Variants in SNRNP40 observed in about 807,000 individuals in gnomAD.
SNRNP40 encodes the protein U5 small nuclear ribonucleoprotein 40 kDa protein.
SNRNP40 carries 21 observed loss-of-function variants against 45.8 expected under a neutral mutation model. That is an observed-to-expected ratio of 0.46 (90% confidence interval 0.32 to 0.66). SNRNP40 has a LOEUF of 0.66. SNRNP40 is among the 30% of genes least tolerant of loss of function. The pLI is 0.03. For missense variants in SNRNP40, 344 were observed against 439.1 expected (o/e 0.78, Z 1.94); for synonymous variants, 142 against 163.8 (o/e 0.87, Z 1.01).
At chr1:31,276,963 G>A (rs1390993419) in intron 5 of SNRNP40, among the ~76,000 whole-genome samples, 1 of 152,110 alleles carries the variant, frequency 6.6e-6, no homozygotes, top group East Asian at 1.9e-4. Context: ...GAGTCCGGGA[G>A]GTGGAGGTTG....
intron 8 of SNRNP40, among the ~76,000 whole-genome samples, chr1:31,262,363 T>C (rs1473393036): frequency 2.0e-5 from 3 of 151,148 alleles, no homozygotes; most frequent in Non-Finnish European, 4.4e-5. Flanking sequence ...CTACTAAAAA[T>C]ACAAAAAATT....
intron 2 of SNRNP40, chr1:31,292,954 G>C (rs1303030342): frequency 2.2e-6 from 1 of 447,516 alleles, no homozygotes; most frequent in Admixed American, 3.9e-5. Flanking sequence ...ATTAGCTGGA[G>C]ATTTGCCTCT....
intron 3 of SNRNP40, among the ~76,000 whole-genome samples, chr1:31,291,560 C>T (rs1481299445): frequency 1.3e-5 from 2 of 152,010 alleles, no homozygotes; most frequent in African/African-American, 2.4e-5. Flanking sequence ...GGGCTTGTGG[C>T]CCCAGCTATT....
chr1:31,267,075 G>C (rs1645902038), intron 8 of SNRNP40, among the ~76,000 whole-genome samples: 1 of 152,204 alleles, frequency 6.6e-6, no homozygotes, highest in South Asian at 2.1e-4. Context: ...GTTTATGGAT[G>C]TAACATAGAG....
chr1:31,282,643 T>G (rs996525100), intron 4 of SNRNP40, among the ~76,000 whole-genome samples: 1 of 151,958 alleles, frequency 6.6e-6, no homozygotes, highest in African/African-American at 2.4e-5. Context: ...TATCTATCTA[T>G]GTATCTATGT....
intron 5 of SNRNP40, among the ~76,000 whole-genome samples, chr1:31,273,571 C>T (rs1260008208): frequency 2.0e-5 from 3 of 148,942 alleles, no homozygotes; most frequent in South Asian, 2.2e-4. Context: ...ACCCGGGAGG[C>T]GGAGGCTGCA....
chr1:31,271,972 C>A (rs1181250775), intron 5 of SNRNP40, among the ~76,000 whole-genome samples: 1 of 152,016 alleles, frequency 6.6e-6, no homozygotes, highest in Non-Finnish European at 1.5e-5. Flanking sequence ...CAGGCTACCA[C>A]GTTTGACTAG....
chr1:31,291,811 TTAG>T (rs1282834009), intron 3 of SNRNP40, 99 bp downstream of exon 3: 21 of 777,602 alleles, frequency 2.7e-5, no homozygotes, highest in Non-Finnish European at 3.8e-5. Context: ...CTACCCAAAA[TTAG>T]TAGTTTTTGA....
At chr1:31,269,050 G>T (rs1354156198) in intron 7 of SNRNP40, 108 bp downstream of exon 7, 23 of 974,656 alleles carry the variant, frequency 2.4e-5, no homozygotes, top group Admixed American at 8.4e-5. Context: ...AGTGTTATTG[G>T]AATGAAGTCC....
chr1:31,265,176 G>A lies in SNRNP40; in HGVS notation c.920+2695C>T, dbSNP rs554183992. Reference sequence around the variant, plus strand: ...GTCTTGCTCTGTTGCCCAGGCTGGAGAGCAGTGGCATGATTGCAGCTCACT... The same window carrying A: ...GTCTTGCTCTGTTGCCCAGGCTGGAAAGCAGTGGCATGATTGCAGCTCACT... On this transcript the variant is annotated intron_variant, in intron 8 of 9. Coordinates refer to ENST00000263694, the MANE Select transcript of SNRNP40 (RefSeq NM_004814.3). Among the ~76,000 whole-genome samples the A allele has an allele frequency of 5.3e-5, 8 of 152,226 alleles. No homozygotes were observed. In the South Asian group the frequency reaches 1.7e-3, roughly 32 times the overall value.
intron 1 of SNRNP40, among the ~76,000 whole-genome samples, chr1:31,295,626 A>T (rs1203407394): frequency 6.6e-6 from 1 of 152,098 alleles, no homozygotes; most frequent in Non-Finnish European, 1.5e-5. Flanking sequence ...AGGGCAAATA[A>T]TTACAAGAAT....
At chr1:31,286,850 C>T (rs1646063171) in intron 4 of SNRNP40, among the ~76,000 whole-genome samples, 3 of 152,184 alleles carry the variant, frequency 2.0e-5, no homozygotes, top group Admixed American at 2.0e-4. Flanking sequence ...CACCTTGGCC[C>T]ATCTCTAACT....
chr1:31,293,779 G>A (rs548105088), intron 1 of SNRNP40, among the ~76,000 whole-genome samples: 56 of 152,094 alleles, frequency 3.7e-4, no homozygotes, highest in African/African-American at 1.3e-3. Context: ...ATGAGGTCTT[G>A]CTACGTTGCC....
At chr1:31,295,350 C>CAA (rs11447322) in intron 1 of SNRNP40, among the ~76,000 whole-genome samples, 9 of 151,598 alleles carry the variant, frequency 5.9e-5, no homozygotes, top group South Asian at 2.1e-4. Flanking sequence ...AACAAAAAAA[C>CAA]AAAAAAAGAG....
Position 31,260,019 on chromosome 1 carries a change from T to G in SNRNP40, c.*53A>C, listed in dbSNP as rs778976320. On this transcript the variant is annotated 3_prime_UTR_variant, in exon 10 of 10. Transcript: ENST00000263694. ...GACATCCAACATTTGGCATCACTTA[T>G]GCAGTCTGAGGTCTCAAAGACAAGC... 7.8e-7 allele frequency: 1 copy of G among 1,289,480 alleles called. No individual in the cohort carries two copies. The highest frequency in any genetic ancestry group is 1.2e-5 in the South Asian group (1 of 84,180). The allele number at this position is 1,289,480 out of a possible 1,614,324, so 79.9% of individuals were successfully genotyped here.
At chr1:31,268,308 G>T (rs1368260391) in intron 7 of SNRNP40, among the ~76,000 whole-genome samples, 1 of 143,336 alleles carries the variant, frequency 7.0e-6, no homozygotes, top group Non-Finnish European at 1.5e-5. Flanking sequence ...TTTGAGACAG[G>T]GTCTCGCTCT....
chr1:31,261,431 A>G (rs2148378487), intron 9 of SNRNP40, 98 bp downstream of exon 9: 2 of 745,428 alleles, frequency 2.7e-6, no homozygotes, highest in South Asian at 1.7e-5. Context: ...TTGCATGGAA[A>G]TTCGTATAAA....
At chr1:31,295,201 C>CA (rs1347941211) in intron 1 of SNRNP40, among the ~76,000 whole-genome samples, 1 of 151,420 alleles carries the variant, frequency 6.6e-6, no homozygotes, top group Non-Finnish European at 1.5e-5. Context: ...CCTGTCTCTA[C>CA]AAAAAAATAC....
At position 31,271,486 on chromosome 1, in the gene SNRNP40, C is replaced by A; in HGVS notation, c.668G>T (p.Arg223Leu). Reference protein sequence around the residue: ...IDNDIKVWDLRQNKLTYTMRG... With the variant: ...IDNDIKVWDLLQNKLTYTMRG... The stretch of plus-strand genomic sequence containing the variant: ...CATGGTGTAGGTTAGCTTGTTCTGG[C>A]GCAGGTCCCAGACCTGCAAAAACAG... The change falls in exon 6 of 10, where the codon CGC becomes CTC. Residue 223 changes from arginine (R) to leucine (L), a missense_variant. Arg to Leu is a moderately radical substitution (Grantham distance 102). Transcript: ENST00000263694. 2 of 1,612,658 alleles carry A rather than the reference C, an allele frequency of 1.2e-6. No homozygotes were observed. Among genetic ancestry groups the A allele is most frequent in the Non-Finnish European group, 1.7e-6 (2 of 1,179,634 alleles).
Sources: allele counts gnomAD v4.1 joint callset (sites outside exome capture counted in the v4.1 genomes callset), GRCh38; gene constraint gnomAD v4.1.1; transcripts MANE v1.5; gene names NCBI Gene and HGNC (gene_info 2026-07-23, HGNC 2026-07-21).